FGF14: variants seen among roughly 807,000 people sequenced by gnomAD.
The protein encoded by FGF14 is fibroblast growth factor homologous factor 4.
In FGF14, 5 loss-of-function variants were observed where a neutral mutation model predicts 25.5. That is an observed-to-expected ratio of 0.20 (90% CI 0.10 to 0.41). The LOEUF (loss-of-function observed/expected upper bound fraction) is 0.41, where lower values mean the gene tolerates loss of function less well. Among genes scored for constraint, FGF14 ranks in the 10% least tolerant of loss-of-function variants. The pLI, the probability that FGF14 is intolerant of heterozygous loss-of-function variation, is 1.00. For missense variants in FGF14, 222 were observed against 320.1 expected (o/e 0.69, Z 2.34); for synonymous variants, 138 against 118.3 (o/e 1.17, Z -1.08).
At chr13:102,083,286 C>T (rs574893592) in intron 1 of FGF14, among the ~76,000 whole-genome samples, 2 of 152,336 alleles carry the variant, frequency 1.3e-5, no homozygotes, top group East Asian at 3.9e-4. Context: ...TGTTTTCCTT[C>T]AGCCTATTGT....
chr13:102,020,289 C>A (rs2040567786), intron 1 of FGF14, among the ~76,000 whole-genome samples: 2 of 152,152 alleles, frequency 1.3e-5, no homozygotes, highest in Admixed American at 1.3e-4. Context: ...TGGCTCATGC[C>A]TGTAATCCCA....
intron 1 of FGF14, among the ~76,000 whole-genome samples, chr13:101,976,350 C>T (rs2476239): frequency 0.73 from 111,827 of 152,148 alleles, 41,393 homozygotes; most frequent in East Asian, 1. Flanking sequence ...AGCATTGATG[C>T]GCTAGCAACT....
At chr13:102,120,533 A>C (rs1222439108) in intron 1 of FGF14, among the ~76,000 whole-genome samples, 1 of 152,118 alleles carries the variant, frequency 6.6e-6, no homozygotes, top group African/African-American at 2.4e-5. Flanking sequence ...GTAATTTTGG[A>C]AGCAGCACAG....
At chr13:102,295,090 T>C (rs1178677539) in intron 1 of FGF14, among the ~76,000 whole-genome samples, 1 of 152,160 alleles carries the variant, frequency 6.6e-6, no homozygotes, top group African/African-American at 2.4e-5. Flanking sequence ...TGGCCACCCA[T>C]AGGAGTTTAA....
chr13:102,398,013 AGTGTGTGTGT>A lies in FGF14; in HGVS notation c.208+3448_208+3457del, dbSNP rs3067869. ...CTGCTAGGAAAGTAGGACATTTAAGAGTGTGTGTGTGTGTGTGTGTGTGTGTGTGTGTGTG... is the reference window on the plus strand; with the variant it reads ...CTGCTAGGAAAGTAGGACATTTAAGAGTGTGTGTGTGTGTGTGTGTGTGTG... On this transcript the variant is annotated intron_variant, in intron 1 of 4. Coordinates refer to the FGF14 transcript ENST00000376131. Among the ~76,000 whole-genome samples the A allele has an allele frequency of 4.7e-3, 687 of 147,244 alleles. 8 individuals carry two copies. The highest frequency in any genetic ancestry group is 7.5e-3 in the Non-Finnish European group (501 of 66,702).
At chr13:101,949,014 T>A (rs2035990875) in intron 1 of FGF14, among the ~76,000 whole-genome samples, 2 of 152,156 alleles carry the variant, frequency 1.3e-5, no homozygotes, top group African/African-American at 4.8e-5. Flanking sequence ...TCCTATCTCT[T>A]TTCCAGTTGT....
chr13:102,275,348 T>C (rs2053484890), intron 1 of FGF14, among the ~76,000 whole-genome samples: 2 of 151,270 alleles, frequency 1.3e-5, no homozygotes, highest in Non-Finnish European at 2.9e-5. Context: ...TTAAAAAATA[T>C]GCCAAAAATA....
chr13:102,107,588 A>G (rs1163208625), intron 1 of FGF14, among the ~76,000 whole-genome samples: 2 of 152,242 alleles, frequency 1.3e-5, no homozygotes, highest in African/African-American at 2.4e-5. Flanking sequence ...ATCCTTAGAC[A>G]CTATTCCAAG....
At position 102,067,000 on chromosome 13, in the gene FGF14, G is replaced by A. The variant is rs998842804; in HGVS notation, c.209-191704C>T. Among the ~76,000 whole-genome samples, 71 of 152,056 alleles carry A rather than the reference G, an allele frequency of 4.7e-4. 1 individual carries two copies. The highest frequency in any genetic ancestry group is 4.2e-4 in the South Asian group (2 of 4,818). ...TTCCACAGTCAGGCCTTAGATTACC[G>A]TCTCACCATGTCTCCTACTGCTTAC... On this transcript the variant is annotated intron_variant, in intron 1 of 4. Coordinates refer to the FGF14 transcript ENST00000376131.
At position 101,914,486 on chromosome 13, in the gene FGF14, A is replaced by G. The variant is rs907220399; in HGVS notation, c.193+1967T>C. On this transcript the variant is annotated intron_variant, in intron 1 of 4. Coordinates refer to ENST00000376143, the MANE Select transcript of FGF14 (RefSeq NM_004115.4). ...GTAAGGTAGAAAAGTGACCTCAAAT[A>G]TATTTTTCTTACAGAACATTGAAGA... Among the ~76,000 whole-genome samples the G allele has an allele frequency of 3.3e-5, 5 of 152,110 alleles. No homozygotes were observed. The East Asian group carries it at 9.6e-4, about 29-fold the overall frequency.
At chr13:102,263,964 C>T (rs1196108303) in intron 1 of FGF14, among the ~76,000 whole-genome samples, 1 of 150,730 alleles carries the variant, frequency 6.6e-6, no homozygotes, top group Non-Finnish European at 1.5e-5. Flanking sequence ...GGGGTGAAGG[C>T]TTATATAAGC....
chr13:102,011,023 A>G (rs954232057), intron 1 of FGF14, among the ~76,000 whole-genome samples: 109 of 152,278 alleles, frequency 7.2e-4, no homozygotes, highest in African/African-American at 2.5e-3. Flanking sequence ...TAATAATGCC[A>G]TTGTTCATTT....
At chr13:102,168,561 T>A (rs2048116124) in intron 1 of FGF14, among the ~76,000 whole-genome samples, 1 of 152,182 alleles carries the variant, frequency 6.6e-6, no homozygotes, top group Admixed American at 6.5e-5. Flanking sequence ...ACCCTTTGAT[T>A]AATGTGGTGT....
intron 3 of FGF14, among the ~76,000 whole-genome samples, chr13:101,857,874 A>T (rs2044208449): frequency 6.6e-6 from 1 of 152,048 alleles, no homozygotes; most frequent in African/African-American, 2.4e-5. Context: ...ATAGAAACAA[A>T]CAACATAAAA....
intron 3 of FGF14, among the ~76,000 whole-genome samples, chr13:101,783,671 A>G (rs2039648115): frequency 6.6e-6 from 1 of 152,214 alleles, no homozygotes; most frequent in South Asian, 2.1e-4. Flanking sequence ...GAAGCTCTTA[A>G]GTTTAATTAG....
At chr13:102,229,366 G>A (rs2050974806) in intron 1 of FGF14, among the ~76,000 whole-genome samples, 1 of 152,188 alleles carries the variant, frequency 6.6e-6, no homozygotes, top group African/African-American at 2.4e-5. Flanking sequence ...CCCACAACAA[G>A]CTTACAGCTT....
intron 1 of FGF14, among the ~76,000 whole-genome samples, chr13:101,985,732 C>T (rs1005738216): frequency 1.4e-4 from 22 of 152,060 alleles, no homozygotes; most frequent in African/African-American, 4.8e-4. Flanking sequence ...AATTTGTGAA[C>T]AATAATTGCT....
chr13:101,838,740 A>T (rs555848079), intron 3 of FGF14, among the ~76,000 whole-genome samples: 4 of 152,126 alleles, frequency 2.6e-5, no homozygotes, highest in Non-Finnish European at 4.4e-5. Flanking sequence ...AGGAAAAAAC[A>T]AAGGTTCTTC....
At chr13:102,053,757 G>T (rs777210692) in intron 1 of FGF14, among the ~76,000 whole-genome samples, 19 of 151,980 alleles carry the variant, frequency 1.3e-4, no homozygotes, top group Non-Finnish European at 2.8e-4. Context: ...ACATATAATG[G>T]CTTAGAACTT....
Sources: allele counts gnomAD v4.1 joint callset (sites outside exome capture counted in the v4.1 genomes callset), GRCh38; gene constraint gnomAD v4.1.1; transcripts MANE v1.5; gene names NCBI Gene and HGNC (gene_info 2026-07-23, HGNC 2026-07-21).